The following JARID2 variants were observed in gnomAD, a reference collection of about 807,000 sequenced individuals.
JARID2 encodes jumonji and AT-rich interaction domain containing 2.
In JARID2, 21 loss-of-function variants were observed where a neutral mutation model predicts 125.6. The ratio of observed to expected loss-of-function variants is 0.17; its 90% confidence interval spans 0.12 to 0.24. The LOEUF is 0.24. JARID2 is among the 10% of genes least tolerant of loss of function. The pLI is 1.00. For missense variants in JARID2, 1,303 were observed against 1,639.6 expected (o/e 0.79, Z 3.55); for synonymous variants, 736 against 661.6 (o/e 1.11, Z -1.73).
intron 1 of JARID2, among the ~76,000 whole-genome samples, chr6:15,253,034 A>T (rs933439261): frequency 1.3e-5 from 2 of 151,724 alleles, no homozygotes; most frequent in Non-Finnish European, 2.9e-5. Flanking sequence ...CAATCCTATA[A>T]CCTTCTGCCA....
At chr6:15,475,116 G>A (rs960493887) in intron 5 of JARID2, among the ~76,000 whole-genome samples, 10 of 152,158 alleles carry the variant, frequency 6.6e-5, no homozygotes, top group African/African-American at 2.4e-4. Context: ...TTTCACTGAG[G>A]TCCATTTCTC....
rs777709451 is a variant in JARID2 at position 15,520,923 on chromosome 6, G to A, written c.*672G>A. The A allele has an allele frequency of 2.3e-6, 1 of 436,012 alleles. No individual in the cohort carries two copies. The highest frequency in any genetic ancestry group is 1.6e-5 in the South Asian group (1 of 63,208). The allele number at this position is 436,012 out of a possible 1,614,324, so 27.0% of individuals were successfully genotyped here. A position where few individuals can be genotyped will look rare whatever the true frequency, so the allele number is the denominator to read the frequency against. On this transcript the variant is annotated 3_prime_UTR_variant, in exon 18 of 18. Transcript: ENST00000341776. ...GCATCTGTTCCAGGAAAGAAGAAAA[G>A]CGAGCGAGGAAGACGGAAAAGACTG...
At chr6:15,353,968 C>G (rs996577013) in intron 1 of JARID2, among the ~76,000 whole-genome samples, 7 of 152,170 alleles carry the variant, frequency 4.6e-5, no homozygotes, top group African/African-American at 1.4e-4. Context: ...TTTAAGATAA[C>G]AGTCCCCTCT....
In JARID2 at chr6:15,422,985, C is replaced by CTT. The variant is rs375223254; in HGVS notation, c.323+12639_323+12640dup. 6.2e-3 allele frequency among the ~76,000 whole-genome samples: 778 copies of CTT among 125,836 alleles called. 3 individuals carry two copies. The highest frequency in any genetic ancestry group is 8.8e-3 in the South Asian group (33 of 3,750). 82.6% of individuals were successfully genotyped at this position (125,836 alleles called of 152,430 possible). ...TCAAGGCTTACAGGTGTAGCCTAGT[C>CTT]TTTTTTTTTTTTTTTTTTTTAAACA... On this transcript the variant is annotated intron_variant, in intron 3 of 17. Transcript: ENST00000341776.
intron 4 of JARID2, among the ~76,000 whole-genome samples, 169 bp from the exon 5 acceptor site, chr6:15,468,373 G>A (rs892840391): frequency 2.0e-4 from 30 of 151,810 alleles, no homozygotes; most frequent in Non-Finnish European, 2.6e-4. Context: ...CTTGAAATAC[G>A]TTCAAAAGGC....
intron 1 of JARID2, among the ~76,000 whole-genome samples, chr6:15,353,533 T>G (rs1055363216): frequency 1.3e-5 from 2 of 152,212 alleles, no homozygotes; most frequent in Non-Finnish European, 2.9e-5. Flanking sequence ...CAGCAAAATT[T>G]TATTCCAAAA....
intron 2 of JARID2, among the ~76,000 whole-genome samples, chr6:15,406,733 G>A (rs1358033182): frequency 2.6e-5 from 4 of 152,100 alleles, no homozygotes; most frequent in African/African-American, 7.2e-5. Flanking sequence ...TATTTTTCAT[G>A]TGTAAAATCT....
At chr6:15,402,651 A>G (rs186834353) in intron 2 of JARID2, among the ~76,000 whole-genome samples, 3 of 152,180 alleles carry the variant, frequency 2.0e-5, no homozygotes, top group Admixed American at 6.5e-5. Flanking sequence ...GCTCATGGTT[A>G]CACATCAGCC....
At position 15,496,583 on chromosome 6, in the gene JARID2, C is replaced by A. The variant is rs761413681; in HGVS notation, c.1358C>A (p.Pro453Gln). The A allele has an allele frequency of 6.2e-7, 1 of 1,602,482 alleles. No homozygotes were observed. Among genetic ancestry groups the A allele is most frequent in the East Asian group, 2.2e-5 (1 of 44,788 alleles). Reference sequence around the variant, plus strand: ...GAAGAGGCACACCAGGCGGAGAAGCCGCAGTCGCCCCCCAAGAAGATGAAA... The same window carrying A: ...GAAGAGGCACACCAGGCGGAGAAGCAGCAGTCGCCCCCCAAGAAGATGAAA... ...RLEEAHQAEK[P>Q]QSPPKKMKGA... The change falls in exon 7 of 18, where the codon CCG becomes CAG. Residue 453 changes from proline (P) to glutamine (Q), a missense_variant. This residue lies in a region of JARID2 where 651 missense variants were observed against 581.6 expected (regional missense o/e 1.12). Coordinates refer to ENST00000341776, the MANE Select transcript of JARID2 (RefSeq NM_004973.4).
chr6:15,312,963 G>A (rs1445017459), intron 1 of JARID2, among the ~76,000 whole-genome samples: 4 of 152,126 alleles, frequency 2.6e-5, no homozygotes, highest in African/African-American at 7.2e-5. Context: ...TTGTTCCGAC[G>A]AAAACACTGG....
intron 5 of JARID2, 48 bp from the exon 6 acceptor site, chr6:15,487,259 T>C: frequency 6.7e-7 from 1 of 1,492,436 alleles, no homozygotes; most frequent in South Asian, 1.2e-5. Context: ...GTTTGCGTGG[T>C]AGTGGTCAAG....
chr6:15,502,678 C>T (rs1176863620), intron 8 of JARID2, among the ~76,000 whole-genome samples: 2 of 152,220 alleles, frequency 1.3e-5, no homozygotes, highest in East Asian at 1.9e-4. Flanking sequence ...CCTGCAGACC[C>T]GCCTCAGGCT....
chr6:15,265,277 C>G (rs1760037905), intron 1 of JARID2, among the ~76,000 whole-genome samples: 1 of 151,760 alleles, frequency 6.6e-6, no homozygotes, highest in African/African-American at 2.4e-5. Flanking sequence ...CCGGGCTGTG[C>G]TGTGGGACTT....
At chr6:15,331,566 A>G (rs1201140637) in intron 1 of JARID2, among the ~76,000 whole-genome samples, 1 of 152,058 alleles carries the variant, frequency 6.6e-6, no homozygotes, top group African/African-American at 2.4e-5. Flanking sequence ...TGTGACTTCC[A>G]TTAATAGTAC....
chr6:15,299,895 A>G (rs576991653), intron 1 of JARID2, among the ~76,000 whole-genome samples: 1 of 152,012 alleles, frequency 6.6e-6, no homozygotes, highest in Non-Finnish European at 1.5e-5. Context: ...TACTTTACCC[A>G]CTGTCCCTTA....
At chr6:15,400,993 T>C in intron 2 of JARID2, 1 of 1,289,454 alleles carries the variant, frequency 7.8e-7, no homozygotes, top group Non-Finnish European at 1.0e-6. Context: ...TTTGGTGGCT[T>C]ATCTTGAGGA....
intron 2 of JARID2, among the ~76,000 whole-genome samples, chr6:15,374,651 G>C (rs908954318): frequency 6.6e-6 from 1 of 152,210 alleles, no homozygotes; most frequent in African/African-American, 2.4e-5. Flanking sequence ...CTCTGGCTCA[G>C]CGGCTTTCTC....
intron 1 of JARID2, among the ~76,000 whole-genome samples, chr6:15,360,572 T>A (rs1247727817): frequency 1.3e-5 from 2 of 152,164 alleles, no homozygotes; most frequent in African/African-American, 2.4e-5. Flanking sequence ...AACCTCAGAA[T>A]GCCTGTGTTC....
chr6:15,431,925 G>A (rs1309533742), intron 3 of JARID2, among the ~76,000 whole-genome samples: 1 of 152,178 alleles, frequency 6.6e-6, no homozygotes, highest in East Asian at 1.9e-4. Flanking sequence ...CCAGTAGGAA[G>A]CCTGTTCTCA....
Sources: allele counts gnomAD v4.1 joint callset (sites outside exome capture counted in the v4.1 genomes callset), GRCh38; gene constraint gnomAD v4.1.1; regional missense constraint gnomAD v4.1.1; transcripts MANE v1.5; gene names NCBI Gene and HGNC (gene_info 2026-07-23, HGNC 2026-07-21).